SNX8: variants seen among roughly 807,000 people sequenced by gnomAD.
The protein encoded by SNX8 is sorting nexin-8.
Under a neutral mutation model 51.6 loss-of-function variants are expected in SNX8, and 25 were observed. The ratio of observed to expected loss-of-function variants is 0.48; its 90% CI spans 0.35 to 0.68. SNX8 has a LOEUF of 0.68. Among genes scored for constraint, SNX8 ranks in the 30% least tolerant of loss-of-function variants. The pLI is 0.00. For synonymous variants in SNX8, 324 were observed against 277.0 expected (o/e 1.17, Z -1.68); for missense variants, 695 against 624.0 (o/e 1.11, Z -1.21).
chr7:2,310,094 C>T, intron 1 of SNX8: 2 of 330,058 alleles, frequency 6.1e-6, no homozygotes, highest in East Asian at 7.7e-5. Flanking sequence ...GGACTGTATA[C>T]GGCAGAGCCA....
chr7:2,338,152 C>T (rs1412229116), intron 1 of SNX8, among the ~76,000 whole-genome samples: 2 of 152,014 alleles, frequency 1.3e-5, no homozygotes, highest in Admixed American at 1.3e-4. Context: ...ATGGCGAAAC[C>T]CCATCTCTAC....
At chr7:2,302,032 A>G (rs1265417126) in intron 1 of SNX8, among the ~76,000 whole-genome samples, 2 of 152,084 alleles carry the variant, frequency 1.3e-5, no homozygotes, top group East Asian at 1.9e-4. Context: ...CACCAGGTCA[A>G]GAGATCGAGA....
At chr7:2,287,174 G>A (rs540166388) in intron 1 of SNX8, among the ~76,000 whole-genome samples, 6 of 151,186 alleles carry the variant, frequency 4.0e-5, no homozygotes, top group African/African-American at 1.2e-4. Context: ...ATAGAGATAG[G>A]GTCTCGCCAT....
chr7:2,308,850 G>A (rs929082597), intron 1 of SNX8, among the ~76,000 whole-genome samples: 27 of 144,456 alleles, frequency 1.9e-4, no homozygotes, highest in African/African-American at 5.5e-4. Flanking sequence ...GCACCATCTC[G>A]GCTCACTACA....
chr7:2,276,166 A>C (rs1167827694), intron 2 of SNX8, among the ~76,000 whole-genome samples: 1 of 152,194 alleles, frequency 6.6e-6, no homozygotes, highest in Non-Finnish European at 1.5e-5. Context: ...AAGACTGGAC[A>C]AAAGGCCAGC....
At chr7:2,346,921 CAA>C (rs758069233) in intron 1 of SNX8, among the ~76,000 whole-genome samples, 2 of 49,766 alleles carry the variant, frequency 4.0e-5, no homozygotes, top group Non-Finnish European at 9.9e-5. Flanking sequence ...GACTCCGTCT[CAA>C]AAAAAAAAAA....
chr7:2,254,775 TC>T lies in SNX8; in HGVS notation c.*280del. On this transcript the variant is annotated 3_prime_UTR_variant, in exon 11 of 11. Coordinates refer to ENST00000222990, the MANE Select transcript of SNX8 (RefSeq NM_013321.4). ...CTCTGTGAGATGAGAGATCCCTGCC[TC>T]CCCGCACAGCTCTGGGTGTCAGGAG... is the stretch of plus-strand genomic sequence containing the variant. The T allele has an allele frequency of 2.0e-6, 1 of 504,232 alleles. No individual in the cohort carries two copies. Among genetic ancestry groups the T allele is most frequent in the Non-Finnish European group, 3.6e-6 (1 of 279,358 alleles). The allele number at this position is 504,232 out of a possible 1,614,324, so 31.2% of individuals were successfully genotyped here. A position where few individuals can be genotyped will look rare whatever the true frequency, so the allele number is the denominator to read the frequency against.
chr7:2,257,670 C>G (rs1029692448), intron 8 of SNX8, 65 bp downstream of exon 8: 1 of 1,582,004 alleles, frequency 6.3e-7, no homozygotes, highest in Non-Finnish European at 8.7e-7. Context: ...GGAGTTAGAC[C>G]CTTGAAGGAT....
rs192645333 is a variant in SNX8, at chr7:2,274,178, G to A, written c.418+934C>T. On this transcript the variant is annotated intron_variant, in intron 3 of 10. Coordinates refer to ENST00000222990, the MANE Select transcript of SNX8 (RefSeq NM_013321.4). ...GCCCGTGTGCCCTTCAGCGTGAGCTGAATGATCTGCTCTGTGGCCTTCACA... is the reference window on the plus strand; with the variant it reads ...GCCCGTGTGCCCTTCAGCGTGAGCTAAATGATCTGCTCTGTGGCCTTCACA... Among the ~76,000 whole-genome samples the A allele has an allele frequency of 3.0e-3, 461 of 152,378 alleles. 3 individuals are homozygous for A. Among genetic ancestry groups the A allele is most frequent in the African/African-American group, 0.011 (448 of 41,594 alleles).
intron 1 of SNX8, among the ~76,000 whole-genome samples, chr7:2,345,211 T>C (rs1367368267): frequency 1.3e-5 from 2 of 152,116 alleles, no homozygotes; most frequent in Non-Finnish European, 2.9e-5. Context: ...TATACGAATG[T>C]GAAGTGAATA....
At chr7:2,342,653 C>A (rs1193598736) in intron 1 of SNX8, among the ~76,000 whole-genome samples, 1 of 148,072 alleles carries the variant, frequency 6.8e-6, no homozygotes. Flanking sequence ...GACTCCATCT[C>A]CCAAAAAAAA....
In SNX8 at chr7:2,255,020, G is replaced by T; in HGVS notation, c.*36C>A. ...ACACACCGTTTGGAAAGAGGTTTTA[G>T]TGCGGCCGCAGGGAGCACCACCTCA... On this transcript the variant is annotated 3_prime_UTR_variant, in exon 11 of 11. Coordinates refer to ENST00000222990, the MANE Select transcript of SNX8 (RefSeq NM_013321.4). The T allele has an allele frequency of 1.5e-6, 2 of 1,364,894 alleles. No homozygotes were observed. Among genetic ancestry groups the T allele is most frequent in the Non-Finnish European group, 2.0e-6 (2 of 978,042 alleles). The allele number at this position is 1,364,894 out of a possible 1,614,324, so 84.5% of individuals were successfully genotyped here. A position where few individuals can be genotyped will look rare whatever the true frequency, so the allele number is the denominator to read the frequency against.
chr7:2,310,295 T>C (rs1357241753), intron 1 of SNX8, among the ~76,000 whole-genome samples: 1 of 152,080 alleles, frequency 6.6e-6, no homozygotes, highest in Non-Finnish European at 1.5e-5. Context: ...GACAGAATGT[T>C]CCGGTCAATC....
intron 4 of SNX8, among the ~76,000 whole-genome samples, chr7:2,269,895 G>A (rs946209783): frequency 1.6e-4 from 25 of 152,154 alleles, no homozygotes; most frequent in Middle Eastern, 3.4e-3. Flanking sequence ...CACTCCATCC[G>A]CAGACGGGGG....
intron 7 of SNX8, among the ~76,000 whole-genome samples, chr7:2,262,851 C>T (rs1795369827): frequency 6.6e-6 from 1 of 152,260 alleles, no homozygotes; most frequent in South Asian, 2.1e-4. Context: ...GGCACAGTGG[C>T]TCACGCCTGT....
chr7:2,256,810 A>C, intron 10 of SNX8, 64 bp downstream of exon 10: 1 of 1,537,082 alleles, frequency 6.5e-7, no homozygotes, highest in Non-Finnish European at 8.8e-7. Flanking sequence ...CCGGGCTTGA[A>C]GGAAGGGCGG....
intron 1 of SNX8, among the ~76,000 whole-genome samples, chr7:2,344,032 TCAAAA>T (rs1778978849): frequency 1.1e-5 from 1 of 89,690 alleles, no homozygotes; most frequent in African/African-American, 4.7e-5. Context: ...AAACTCCATC[TCAAAA>T]AAAAAAAAAA....
Position 2,257,504 on chromosome 7 carries a change from T to C in SNX8, c.995A>G (p.Glu332Gly), listed in dbSNP as rs750989871. The C allele has an allele frequency of 2.9e-5, 46 of 1,603,468 alleles. No individual in the cohort carries two copies. The highest frequency in any genetic ancestry group is 3.4e-6 in the Non-Finnish European group (4 of 1,177,754). The change falls in exon 9 of 11, where the codon GAG (glutamate) becomes GGG (glycine). Residue 332 changes from glutamate (E) to glycine (G), a missense_variant. By Grantham distance (98) the Glu-to-Gly change is moderately conservative. Coordinates refer to ENST00000222990, the MANE Select transcript of SNX8 (RefSeq NM_013321.4). ...DLLQSYKDLC[E>G]RHEKGVLHKH... Reference sequence around the variant, plus strand: ...GTGCAACACGCCCTTCTCATGCCGCTCGCACAGGTCCTGCGGGGCCGGGGG... The same window carrying C: ...GTGCAACACGCCCTTCTCATGCCGCCCGCACAGGTCCTGCGGGGCCGGGGG...
At chr7:2,328,882 G>A (rs995355977) in intron 1 of SNX8, among the ~76,000 whole-genome samples, 31 of 151,946 alleles carry the variant, frequency 2.0e-4, no homozygotes, top group Non-Finnish European at 2.8e-4. Context: ...TCAGGAGATC[G>A]AGACCATCCT....
Sources: gnomAD v4.1 joint callset for allele counts (sites outside exome capture counted in the v4.1 genomes callset) on GRCh38, gnomAD v4.1.1 for gene constraint, MANE v1.5 for transcripts, NCBI Gene and HGNC (gene_info 2026-07-23, HGNC 2026-07-21) for gene names.